The following DOCK10 variants were observed in gnomAD, a reference collection of about 807,000 sequenced individuals.
The protein encoded by DOCK10 is dedicator of cytokinesis 10.
A neutral mutation model predicts 280.1 loss-of-function variants in DOCK10; 145 were observed. The observed-to-expected ratio is 0.52, with a 90% confidence interval of 0.45 to 0.59. DOCK10 has a LOEUF of 0.59. DOCK10 is among the 20% of genes least tolerant of loss of function. The pLI, the probability that DOCK10 is intolerant of heterozygous loss-of-function variation, is 0.00. For synonymous variants in DOCK10, 915 were observed against 942.2 expected, an observed-to-expected ratio of 0.97 and a Z score of 0.53; for missense variants, 2,368 against 2,651.7, an observed-to-expected ratio of 0.89 and a Z score of 2.35.
chr2:224,896,828 T>C (rs997425930), intron 3 of DOCK10, among the ~76,000 whole-genome samples: 2 of 152,190 alleles, frequency 1.3e-5, no homozygotes, highest in Non-Finnish European at 2.9e-5. Context: ...AACTTAAAGG[T>C]AGATAAGGAG....
chr2:224,806,120 A>C lies in DOCK10; in HGVS notation c.3814+6T>G. On this transcript the variant is annotated splice_donor_region_variant and intron_variant, in intron 34 of 55. Coordinates refer to ENST00000258390, the MANE Select transcript of DOCK10 (RefSeq NM_014689.3). ...AAAATAAGTGTTCTCAGAAGATCTC[A>C]AGTACCTGCTATGGAATTTAAAACA... is the stretch of plus-strand genomic sequence containing the variant. 1 of 1,539,778 alleles carries C rather than the reference A, an allele frequency of 6.5e-7. No individual in the cohort carries two copies.
intron 1 of DOCK10, among the ~76,000 whole-genome samples, chr2:224,989,641 C>T (rs1332104698): frequency 6.6e-6 from 1 of 152,090 alleles, no homozygotes; most frequent in Non-Finnish European, 1.5e-5. Context: ...AATCTTCTTC[C>T]GTGTCTGTTT....
intron 41 of DOCK10, among the ~76,000 whole-genome samples, chr2:224,798,520 T>C (rs1477617804): frequency 1.3e-5 from 2 of 152,158 alleles, no homozygotes; most frequent in Admixed American, 1.3e-4. Context: ...ATCAATATAG[T>C]CATTACTTTC....
rs116834969 is a variant in DOCK10 at position 224,885,964 on chromosome 2, C to T, written c.612+99G>A. 2.0e-3 allele frequency: 3,124 copies of T among 1,537,220 alleles called. 31 individuals carry two copies. The African/African-American group carries it at 0.03, about 15-fold the overall frequency. ...CTCATAAATAAAATATTATATGAAA[C>T]ATAAACTCAATGCAAATGGCTCTCT... On this transcript the variant is annotated intron_variant, in intron 6 of 55. Coordinates refer to ENST00000258390, the MANE Select transcript of DOCK10 (RefSeq NM_014689.3).
intron 50 of DOCK10, among the ~76,000 whole-genome samples, chr2:224,781,511 T>C (rs1691334292): frequency 6.6e-6 from 1 of 152,180 alleles, no homozygotes; most frequent in Non-Finnish European, 1.5e-5. Flanking sequence ...ACAGACACTA[T>C]CTGAAGGAAG....
chr2:224,957,286 C>CT lies in DOCK10; in HGVS notation c.124-25619_124-25618insA, dbSNP rs567289836. Among the ~76,000 whole-genome samples, 79 of 34,416 alleles carry CT rather than the reference C, an allele frequency of 2.3e-3. 1 individual carries two copies. In the South Asian group the frequency reaches 0.025, roughly 11 times the overall value. The allele number at this position is 34,416 out of a possible 152,430, so 22.6% of individuals were successfully genotyped here. ...TCTAGTATTTAGTTTTTACTTTCCG[C>CT]CCCCCCCCGGCTTTGTTTTTCGGAG... On this transcript the variant is annotated intron_variant, in intron 1 of 55. Transcript: ENST00000258390.
intron 1 of DOCK10, among the ~76,000 whole-genome samples, chr2:224,995,362 A>C (rs1171047974): frequency 1.3e-5 from 2 of 152,318 alleles, no homozygotes; most frequent in Non-Finnish European, 1.5e-5. Flanking sequence ...GTAGACACCC[A>C]CTGCCACACA....
chr2:224,793,344 T>C, intron 46 of DOCK10, 56 bp downstream of exon 46: 1 of 1,344,630 alleles, frequency 7.4e-7, no homozygotes, highest in Non-Finnish European at 1.0e-6. Flanking sequence ...TTATTTCTAT[T>C]AGGCTTCAAT....
At chr2:224,863,219 G>C (rs888332479) in intron 13 of DOCK10, among the ~76,000 whole-genome samples, 1 of 152,252 alleles carries the variant, frequency 6.6e-6, no homozygotes, top group Non-Finnish European at 1.5e-5. Context: ...AATGGCCATA[G>C]ACAATCCATA....
At chr2:224,982,370 G>A (rs556429749) in intron 1 of DOCK10, 54 of 1,231,844 alleles carry the variant, frequency 4.4e-5, no homozygotes, top group South Asian at 1.6e-4. Context: ...GCAGCCCATC[G>A]CTGCATCCTG....
At chr2:224,894,730 A>G (rs1480444835) in intron 4 of DOCK10, among the ~76,000 whole-genome samples, 1 of 152,206 alleles carries the variant, frequency 6.6e-6, no homozygotes, top group Non-Finnish European at 1.5e-5. Flanking sequence ...TGTTTTGAAA[A>G]AAGATTTGCA....
intron 6 of DOCK10, 76 bp downstream of exon 6, chr2:224,885,987 T>C: frequency 6.3e-7 from 1 of 1,585,550 alleles, no homozygotes; most frequent in Non-Finnish European, 8.6e-7. Flanking sequence ...CAAATGGCTC[T>C]CTTCTGTGCT....
At chr2:224,863,609 C>G (rs1198589762) in intron 13 of DOCK10, among the ~76,000 whole-genome samples, 1 of 151,978 alleles carries the variant, frequency 6.6e-6, no homozygotes, top group Non-Finnish European at 1.5e-5. Context: ...CCCGCCACCA[C>G]GCCTGGCTAA....
At chr2:225,027,995 G>A (rs893039910) in intron 1 of DOCK10, among the ~76,000 whole-genome samples, 5 of 152,136 alleles carry the variant, frequency 3.3e-5, no homozygotes, top group South Asian at 4.2e-4. Context: ...GCAGTGCCTC[G>A]GGAAGAGTTA....
At chr2:224,898,800 C>T (rs1199511875) in intron 3 of DOCK10, among the ~76,000 whole-genome samples, 1 of 152,178 alleles carries the variant, frequency 6.6e-6, no homozygotes, top group Non-Finnish European at 1.5e-5. Context: ...TGGTCTCGAT[C>T]TCCTGACCTC....
At chr2:224,773,436 T>C (rs2124974199) in intron 52 of DOCK10, 89 bp from the exon 53 acceptor site, 2 of 1,198,640 alleles carry the variant, frequency 1.7e-6, no homozygotes, top group Admixed American at 2.1e-5. Context: ...TCATGTATCA[T>C]TTCACGGCAC....
rs1245617156 is a variant in DOCK10, at chr2:224,876,030, G to A, written c.931+8C>T. The A allele has an allele frequency of 2.5e-6, 4 of 1,606,972 alleles. No individual in the cohort carries two copies. Among genetic ancestry groups the A allele is most frequent in the Middle Eastern group, 1.7e-4 (1 of 6,000 alleles). ...CAAAGGAAGGAAGACGGCTTCATAT[G>A]CTCTCACCCAGACCCAGATCAGTGA... On this transcript the variant is annotated splice_region_variant and intron_variant, in intron 8 of 55. Transcript: ENST00000258390.
At position 225,014,081 on chromosome 2, in the gene DOCK10, A is replaced by ATATATTTTTT. The variant is rs776104946; in HGVS notation, c.123+28170_123+28171insAAAAAATATA. ...AAAAAATCCCCAGAAGTCTGAATAT[A>ATATATTTTTT]TTGTTTTTTTTTTTTTGTTTTTTTT... On this transcript the variant is annotated intron_variant, in intron 1 of 55. Coordinates refer to ENST00000258390, the MANE Select transcript of DOCK10 (RefSeq NM_014689.3). Among the ~76,000 whole-genome samples the ATATATTTTTT allele has an allele frequency of 2.2e-4, 21 of 96,810 alleles. 1 individual carries two copies. The highest frequency in any genetic ancestry group is 3.6e-4 in the South Asian group (1 of 2,812). 63.5% of individuals were successfully genotyped at this position (96,810 alleles called of 152,430 possible).
At position 224,852,075 on chromosome 2, in the gene DOCK10, G is replaced by A. The variant is rs774464392; in HGVS notation, c.2142+302C>T. Among the ~76,000 whole-genome samples the A allele has an allele frequency of 2.6e-5, 4 of 152,198 alleles. 1 individual carries two copies. Among genetic ancestry groups the A allele is most frequent in the South Asian group, 4.1e-4 (2 of 4,824 alleles). ...TGTTTTAAATCAAGCACGCCGAATC[G>A]AGAGGCAGGCTAATCTTTGAAAAAG... On this transcript the variant is annotated intron_variant, in intron 18 of 55. Transcript: ENST00000258390.
Sources: gnomAD v4.1 joint callset for allele counts (sites outside exome capture counted in the v4.1 genomes callset) on GRCh38, gnomAD v4.1.1 for gene constraint, MANE v1.5 for transcripts, NCBI Gene and HGNC (gene_info 2026-07-23, HGNC 2026-07-21) for gene names.